Variants in RELN observed in about 807,000 individuals in gnomAD.
RELN encodes the protein reelin.
Under a neutral mutation model 427.6 loss-of-function variants are expected in RELN, and 108 were observed. The observed-to-expected ratio is 0.25, with a 90% CI of 0.22 to 0.30. RELN has a LOEUF of 0.30. Among genes scored for constraint, RELN ranks in the 10% least tolerant of loss-of-function variants. The pLI is 1.00. For missense variants in RELN, 3,715 were observed against 4,302.8 expected (o/e 0.86, Z 3.82); for synonymous variants, 1,524 against 1,513.4 (o/e 1.01, Z -0.16).
chr7:103,872,613 G>T (rs1364434899), intron 2 of RELN, among the ~76,000 whole-genome samples: 1 of 139,060 alleles, frequency 7.2e-6, no homozygotes, highest in Non-Finnish European at 1.6e-5. Flanking sequence ...GGTATTTCTA[G>T]TTCTAGATCT....
intron 3 of RELN, among the ~76,000 whole-genome samples, chr7:103,803,016 C>T (rs1360539965): frequency 6.6e-6 from 1 of 152,208 alleles, no homozygotes; most frequent in Non-Finnish European, 1.5e-5. Context: ...GATGAACATT[C>T]CCAGGCCCTA....
rs796471289 is a variant in RELN, at chr7:103,935,427, AT to A, written c.227-18243del. ...CTTAGCTTTTATGAGCCTCATCCTC[AT>A]TTTTTTTTTCCTGCATAACTGGAAA... On this transcript the variant is annotated intron_variant, in intron 1 of 64. Coordinates refer to ENST00000428762, the MANE Select transcript of RELN (RefSeq NM_005045.4). 9.1e-4 allele frequency among the ~76,000 whole-genome samples: 132 copies of A among 145,774 alleles called. 1 individual carries two copies. The East Asian group carries it at 0.016, about 17-fold the overall frequency.
chr7:103,611,942 G>C (rs552936086), intron 20 of RELN, 139 bp from the exon 21 acceptor site: 3 of 716,812 alleles, frequency 4.2e-6, no homozygotes, highest in Non-Finnish European at 7.2e-6. Context: ...AATGGATTTC[G>C]GTCAATCTAA....
chr7:103,806,434 C>T (rs1255570910), intron 3 of RELN, among the ~76,000 whole-genome samples: 2 of 152,098 alleles, frequency 1.3e-5, no homozygotes, highest in African/African-American at 2.4e-5. Context: ...AAGCAATTCT[C>T]CTGCCTCAGC....
intron 1 of RELN, among the ~76,000 whole-genome samples, chr7:103,985,715 G>C (rs747309088): frequency 6.6e-6 from 1 of 152,166 alleles, no homozygotes; most frequent in Non-Finnish European, 1.5e-5. Context: ...AAATTGATTG[G>C]GGGCAAGGCG....
chr7:103,638,114 A>T (rs1197743448), intron 17 of RELN, among the ~76,000 whole-genome samples: 1 of 152,222 alleles, frequency 6.6e-6, no homozygotes, highest in African/African-American at 2.4e-5. Flanking sequence ...TTTCTCAGCA[A>T]AACAACAAGG....
chr7:103,609,737 C>T (rs1037807873), intron 22 of RELN, among the ~76,000 whole-genome samples: 4 of 152,050 alleles, frequency 2.6e-5, no homozygotes, highest in Non-Finnish European at 5.9e-5. Flanking sequence ...TGTGTAGAGT[C>T]TAACTTTTAT....
intron 3 of RELN, among the ~76,000 whole-genome samples, chr7:103,821,505 A>G (rs1793013671): frequency 6.6e-6 from 1 of 152,170 alleles, no homozygotes; most frequent in Non-Finnish European, 1.5e-5. Context: ...TTTTGAGCCA[A>G]ATAACTATTA....
intron 4 of RELN, among the ~76,000 whole-genome samples, chr7:103,754,595 G>A (rs954644891): frequency 7.0e-6 from 1 of 143,244 alleles, no homozygotes; most frequent in African/African-American, 2.6e-5. Context: ...CAATATAGTA[G>A]GAGACCTCGT....
intron 10 of RELN, among the ~76,000 whole-genome samples, chr7:103,687,329 A>C (rs888056818): frequency 1.3e-5 from 2 of 152,180 alleles, no homozygotes; most frequent in African/African-American, 4.8e-5. Context: ...GATGCCAGGC[A>C]CAGTGTGGGA....
At chr7:103,583,900 A>AG (rs1831211556) in intron 28 of RELN, among the ~76,000 whole-genome samples, 1 of 152,198 alleles carries the variant, frequency 6.6e-6, no homozygotes. Context: ...GACCCCGTGA[A>AG]GGCAATGCAC....
At chr7:103,570,018 A>C (rs544860717) in intron 31 of RELN, among the ~76,000 whole-genome samples, 2 of 152,316 alleles carry the variant, frequency 1.3e-5, no homozygotes, top group East Asian at 3.9e-4. Flanking sequence ...ACTGGAAGAG[A>C]TTTGTTCAAG....
intron 3 of RELN, among the ~76,000 whole-genome samples, chr7:103,831,340 T>C (rs1793269122): frequency 6.6e-6 from 1 of 152,078 alleles, no homozygotes; most frequent in Non-Finnish European, 1.5e-5. Flanking sequence ...ATCATATAAT[T>C]CAAGGGGAAT....
At chr7:103,777,277 A>C (rs1052916505) in intron 3 of RELN, among the ~76,000 whole-genome samples, 1 of 152,220 alleles carries the variant, frequency 6.6e-6, no homozygotes, top group Non-Finnish European at 1.5e-5. Flanking sequence ...TATAATAAAA[A>C]AAGTCTTATT....
At chr7:103,506,687 C>A (rs532493898) in intron 51 of RELN, among the ~76,000 whole-genome samples, 19 of 152,306 alleles carry the variant, frequency 1.2e-4, no homozygotes, top group Admixed American at 7.2e-4. Flanking sequence ...ATCATAATGA[C>A]AGGATCAAAT....
chr7:103,635,728 G>T, intron 18 of RELN, 142 bp from the exon 19 acceptor site: 1 of 684,226 alleles, frequency 1.5e-6, no homozygotes, highest in East Asian at 2.7e-5. Flanking sequence ...TTAGATATAT[G>T]AATATGTGTA....
intron 8 of RELN, among the ~76,000 whole-genome samples, chr7:103,712,876 G>A (rs1789839478): frequency 6.6e-6 from 1 of 152,004 alleles, no homozygotes. Flanking sequence ...GGGTAGTTTT[G>A]GGTAGTTTTT....
rs761661448 is a variant in RELN, at chr7:103,478,388, C to T, written c.10286+1G>A. 4.0e-6 allele frequency: 3 copies of T among 758,132 alleles called. No individual in the cohort carries two copies. The highest frequency in any genetic ancestry group is 7.2e-6 in the Non-Finnish European group (3 of 414,192). The allele number at this position is 758,132 out of a possible 1,614,324, so 47.0% of individuals were successfully genotyped here. ...CCCCAGATTTAGTAAGGAGGACTTA[C>T]CTTACTCTAGTGGAAAACCAATGAC... On this transcript the variant is annotated splice_donor_variant, in intron 64 of 64. Transcript: ENST00000428762. LOFTEE classifies it high-confidence loss of function.
At chr7:103,743,644 C>G (rs1790732055) in intron 6 of RELN, among the ~76,000 whole-genome samples, 2 of 152,274 alleles carry the variant, frequency 1.3e-5, no homozygotes, top group East Asian at 3.9e-4. Flanking sequence ...TTTAAACCAA[C>G]AAAGATCAAA....
Sources: allele counts gnomAD v4.1 joint callset (sites outside exome capture counted in the v4.1 genomes callset), GRCh38; gene constraint gnomAD v4.1.1; transcripts MANE v1.5; gene names NCBI Gene and HGNC (gene_info 2026-07-23, HGNC 2026-07-21).